SCN9A: variants seen among roughly 807,000 people sequenced by gnomAD.
SCN9A encodes sodium voltage-gated channel alpha subunit 9, also known as sodium channel protein type 9 subunit alpha.
In SCN9A, 131 loss-of-function variants were observed where a neutral mutation model predicts 187.0. The ratio of observed to expected loss-of-function variants is 0.70; its 90% CI spans 0.61 to 0.81. SCN9A has a LOEUF of 0.81. SCN9A is among the 30% of genes least tolerant of loss of function. The pLI, the probability that SCN9A is intolerant of heterozygous loss-of-function variation, is 0.00. For synonymous variants in SCN9A, 809 were observed against 808.6 expected (o/e 1.00, Z -0.01); for missense variants, 2,252 against 2,396.6 (o/e 0.94, Z 1.26).
intron 1 of SCN9A, among the ~76,000 whole-genome samples, chr2:166,374,452 T>C (rs1700637757): frequency 6.6e-6 from 1 of 152,284 alleles, no homozygotes; most frequent in Admixed American, 6.5e-5. Flanking sequence ...AGGGATCAGA[T>C]AAGACTAGCT....
At chr2:166,304,437 T>C in intron 5 of SCN9A, 108 bp from the exon 6 acceptor site, 1 of 900,528 alleles carries the variant, frequency 1.1e-6, no homozygotes. Context: ...TTTAAATGTA[T>C]AGTTCTGCAA....
chr2:166,244,149 G>A (rs1212784169), intron 18 of SCN9A, among the ~76,000 whole-genome samples: 1 of 152,036 alleles, frequency 6.6e-6, no homozygotes, highest in African/African-American at 2.4e-5. Context: ...TTTAAATACA[G>A]ATATCCTATA....
intron 24 of SCN9A, among the ~76,000 whole-genome samples, chr2:166,223,346 G>A (rs1232314615): frequency 6.6e-6 from 1 of 152,100 alleles, no homozygotes; most frequent in Non-Finnish European, 1.5e-5. Context: ...TGTGGTATTT[G>A]TATACCTGCA....
intron 7 of SCN9A, among the ~76,000 whole-genome samples, chr2:166,296,524 G>C (rs1698309811): frequency 6.6e-6 from 1 of 152,108 alleles, no homozygotes; most frequent in African/African-American, 2.4e-5. Flanking sequence ...ATGCAATTTT[G>C]CATACATAAA....
intron 17 of SCN9A, among the ~76,000 whole-genome samples, chr2:166,268,533 A>C (rs963936686): frequency 2.6e-5 from 4 of 152,026 alleles, no homozygotes; most frequent in African/African-American, 9.7e-5. Flanking sequence ...AAAAGTTAGC[A>C]TAGGAGGATT....
intron 8 of SCN9A, among the ~76,000 whole-genome samples, 197 bp downstream of exon 8, chr2:166,294,402 C>T (rs1698212273): frequency 6.6e-6 from 1 of 152,136 alleles, no homozygotes; most frequent in Non-Finnish European, 1.5e-5. Flanking sequence ...AGCACTGTCT[C>T]AAAGTCTTGC....
At chr2:166,313,612 ATGT>A (rs1453217773) in intron 1 of SCN9A, among the ~76,000 whole-genome samples, 1 of 152,296 alleles carries the variant, frequency 6.6e-6, no homozygotes, top group African/African-American at 2.4e-5. Context: ...GCTTAAGGAA[ATGT>A]TGTGGCTGGT....
At chr2:166,363,026 G>C (rs1700325922) in intron 1 of SCN9A, among the ~76,000 whole-genome samples, 1 of 151,802 alleles carries the variant, frequency 6.6e-6, no homozygotes, top group South Asian at 2.1e-4. Context: ...ATTGCCTAGG[G>C]GACTTAACCT....
intron 16 of SCN9A, 82 bp from the exon 17 acceptor site, chr2:166,272,957 G>A (rs779597966): frequency 3.8e-5 from 24 of 634,320 alleles, no homozygotes; most frequent in Non-Finnish European, 5.0e-5. Flanking sequence ...ACACTTTTCC[G>A]AATATAGGCC....
intron 17 of SCN9A, among the ~76,000 whole-genome samples, chr2:166,261,675 G>A (rs1696514433): frequency 6.6e-6 from 1 of 151,860 alleles, no homozygotes; most frequent in Non-Finnish European, 1.5e-5. Context: ...GTTAAACAGA[G>A]TCCTGACTCA....
intron 1 of SCN9A, among the ~76,000 whole-genome samples, chr2:166,347,085 G>A (rs752027589): frequency 1.6e-4 from 25 of 152,126 alleles, no homozygotes; most frequent in Non-Finnish European, 3.4e-4. Context: ...AATATTTTTA[G>A]TTATTACAGT....
chr2:166,296,522 T>C (rs1011145015), intron 7 of SCN9A, among the ~76,000 whole-genome samples: 2 of 152,178 alleles, frequency 1.3e-5, no homozygotes, highest in African/African-American at 2.4e-5. Context: ...AGATGCAATT[T>C]TGCATACATA....
chr2:166,262,025 A>G (rs1293283461), intron 17 of SCN9A, among the ~76,000 whole-genome samples: 1 of 151,982 alleles, frequency 6.6e-6, no homozygotes, highest in Non-Finnish European at 1.5e-5. Context: ...GACTTTAGTG[A>G]TATTTCTGAG....
intron 1 of SCN9A, among the ~76,000 whole-genome samples, chr2:166,332,455 T>G (rs1392806177): frequency 6.6e-6 from 1 of 152,186 alleles, no homozygotes; most frequent in Non-Finnish European, 1.5e-5. Flanking sequence ...GGGAACTAGG[T>G]TATGACCAAA....
intron 1 of SCN9A, among the ~76,000 whole-genome samples, chr2:166,348,775 A>G (rs1004732291): frequency 2.0e-5 from 3 of 151,994 alleles, no homozygotes; most frequent in African/African-American, 7.3e-5. Flanking sequence ...GGGCATTTTA[A>G]TTCTTCCCTC....
intron 24 of SCN9A, 182 bp from the exon 25 acceptor site, chr2:166,204,646 CCAAA>C: frequency 2.6e-6 from 1 of 380,224 alleles, no homozygotes; most frequent in African/African-American, 2.1e-5. Context: ...ACATGGGTCT[CCAAA>C]CACAGTTAAA....
intron 17 of SCN9A, among the ~76,000 whole-genome samples, chr2:166,265,406 G>A (rs554778355): frequency 1.4e-3 from 208 of 151,898 alleles, no homozygotes; most frequent in African/African-American, 3.5e-3. Context: ...GCTGAATGGC[G>A]TTCAATTTTT....
At chr2:166,348,807 A>C (rs1699963625) in intron 1 of SCN9A, among the ~76,000 whole-genome samples, 1 of 152,190 alleles carries the variant, frequency 6.6e-6, no homozygotes, top group African/African-American at 2.4e-5. Context: ...CAAGAGTTTT[A>C]AACCTACAAC....
In SCN9A at chr2:166,286,615, T is replaced by G; in HGVS notation, c.1323A>C (p.Ala441=). 6.5e-7 allele frequency: 1 copy of G among 1,543,416 alleles called. No individual in the cohort carries two copies. Among genetic ancestry groups the G allele is most frequent in the East Asian group, 2.3e-5 (1 of 43,956 alleles). The change falls in exon 11 of 27, where the codon GCA becomes GCC. Residue 441 remains alanine, a synonymous_variant. Coordinates refer to ENST00000642356, the MANE Select transcript of SCN9A (RefSeq NM_001365536.1). ...KKEQEEAEAI[A]AAAAEYTSIR... ...TACTTGTATATTCAGCCGCTGCCGC[T>G]GCAATTGCCTGGTTGGGCCAAGACG...
Sources: gnomAD v4.1 joint callset for allele counts (sites outside exome capture counted in the v4.1 genomes callset) on GRCh38, gnomAD v4.1.1 for gene constraint, MANE v1.5 for transcripts, NCBI Gene and HGNC (gene_info 2026-07-23, HGNC 2026-07-21) for gene names.